Variants in HECW2 observed in about 807,000 individuals in gnomAD.
The protein encoded by HECW2 is E3 ubiquitin-protein ligase HECW2.
Under a neutral mutation model 175.2 loss-of-function variants are expected in HECW2, and 61 were observed. That is an observed-to-expected ratio of 0.35 (90% confidence interval 0.28 to 0.43). The LOEUF (loss-of-function observed/expected upper bound fraction) is 0.43, where lower values mean the gene tolerates loss of function less well. HECW2 is among the 20% of genes least tolerant of loss of function. The pLI is 1.00. For missense variants in HECW2, 1,524 were observed against 2,000.5 expected, an observed-to-expected ratio of 0.76 and a Z score of 4.54; for synonymous variants, 671 against 731.0, an observed-to-expected ratio of 0.92 and a Z score of 1.32.
Position 196,222,355 on chromosome 2 carries a change from A to C in HECW2, c.4017-15T>G, listed in dbSNP as rs368517491. 3.4e-5 allele frequency: 55 copies of C among 1,611,296 alleles called. No homozygotes were observed. Among genetic ancestry groups the C allele is most frequent in the Non-Finnish European group, 4.6e-5 (54 of 1,178,750 alleles). ...GGTCACATAGACTAAGATGACAAAC[A>C]GACAGAAACAAATATGTAGGCATGG... On this transcript the variant is annotated splice_polypyrimidine_tract_variant and intron_variant, in intron 23 of 28. Coordinates refer to ENST00000644978, the MANE Select transcript of HECW2 (RefSeq NM_001348768.2).
chr2:196,195,009 CATTT>C lies in HECW2; in HGVS notation c.*6264_*6267del, dbSNP rs1686640832. ...CGAGAGAGATGCATGTATTTTTATTCATTTATTTTGGAATGCCTGCATCCCTATT... is the reference window on the plus strand; with the variant it reads ...CGAGAGAGATGCATGTATTTTTATTCATTTTGGAATGCCTGCATCCCTATT... On this transcript the variant is annotated 3_prime_UTR_variant, in exon 29 of 29. Coordinates refer to ENST00000644978, the MANE Select transcript of HECW2 (RefSeq NM_001348768.2). 1 of 152,126 alleles carries C rather than the reference CATTT, an allele frequency of 6.6e-6. No individual in the cohort carries two copies. 9.4% of individuals were successfully genotyped at this position (152,126 alleles called of 1,614,324 possible).
chr2:196,500,009 G>C lies in HECW2; in HGVS notation c.-35-66551C>G, dbSNP rs543324705. Among the ~76,000 whole-genome samples, 63 of 152,112 alleles carry C rather than the reference G, an allele frequency of 4.1e-4. No homozygotes were observed. In the South Asian group the frequency reaches 0.013, roughly 31 times the overall value. On this transcript the variant is annotated intron_variant, in intron 1 of 28. Coordinates refer to ENST00000644978, the MANE Select transcript of HECW2 (RefSeq NM_001348768.2). ...CATATGACAGCAGATGGAATAATGA[G>C]TCTTGGATTCTATTTTACATAAAGT...
intron 2 of HECW2, among the ~76,000 whole-genome samples, chr2:196,347,577 C>T (rs1455252251): frequency 6.6e-6 from 1 of 152,102 alleles, no homozygotes; most frequent in Non-Finnish European, 1.5e-5. Context: ...GTAAATTGTA[C>T]CATGAGTATT....
rs781250302 is a variant in HECW2, at chr2:196,308,059, C to A, written c.2461G>T (p.Gly821Cys). 3 of 1,589,170 alleles carry A rather than the reference C, an allele frequency of 1.9e-6. No homozygotes were observed. The highest frequency in any genetic ancestry group is 1.7e-6 in the Non-Finnish European group (2 of 1,162,580). ...PNWEARIDSH[G>C]RIFYVDHVNR... The stretch of plus-strand genomic sequence containing the variant: ...ACGTGATCCACGTAGAAGATCCTGC[C>A]GTGGCTGTCAATGCGTGCCTCCCAG... The change falls in exon 11 of 29, where the codon GGC becomes TGC. Residue 821 changes from glycine (G) to cysteine (C), a missense_variant. By Grantham distance (159) the Gly-to-Cys change is radical. Transcript: ENST00000644978.
intron 1 of HECW2, among the ~76,000 whole-genome samples, chr2:196,460,781 T>TC: frequency 1.6e-5 from 1 of 63,812 alleles, no homozygotes; most frequent in Non-Finnish European, 2.8e-5. Flanking sequence ...TGGCAATTTT[T>TC]TTTTTTTTTT....
chr2:196,552,062 G>A (rs780233971), intron 1 of HECW2, among the ~76,000 whole-genome samples: 11 of 152,094 alleles, frequency 7.2e-5, no homozygotes, highest in African/African-American at 1.7e-4. Context: ...TTAAGACAGC[G>A]CCACAGGACT....
chr2:196,453,559 CAA>C (rs778435776), intron 1 of HECW2, among the ~76,000 whole-genome samples: 8 of 152,124 alleles, frequency 5.3e-5, no homozygotes, highest in Non-Finnish European at 1.0e-4. Flanking sequence ...GACTGTCTGA[CAA>C]AAGATTCCTG....
At chr2:196,210,463 C>G (rs1207321186) in intron 28 of HECW2, among the ~76,000 whole-genome samples, 4 of 152,090 alleles carry the variant, frequency 2.6e-5, no homozygotes, top group Non-Finnish European at 2.9e-5. Context: ...ACCTGGGACT[C>G]CAAGCATGCA....
intron 21 of HECW2, among the ~76,000 whole-genome samples, chr2:196,235,634 G>A (rs1688217697): frequency 6.8e-6 from 1 of 147,442 alleles, no homozygotes; most frequent in Non-Finnish European, 1.5e-5. Context: ...TGGAGCACAG[G>A]TAGATGCATT....
At chr2:196,261,323 C>T (rs868795302) in intron 17 of HECW2, among the ~76,000 whole-genome samples, 12 of 152,068 alleles carry the variant, frequency 7.9e-5, no homozygotes, top group African/African-American at 2.9e-4. Context: ...GATATCCTGG[C>T]TTATTCTAAG....
chr2:196,472,186 T>C (rs559420962), intron 1 of HECW2, among the ~76,000 whole-genome samples: 10 of 152,044 alleles, frequency 6.6e-5, no homozygotes, highest in Admixed American at 3.9e-4. Flanking sequence ...GCATAAAGTT[T>C]AAAACGTTCA....
intron 5 of HECW2, among the ~76,000 whole-genome samples, chr2:196,329,072 T>C (rs910379656): frequency 6.6e-6 from 1 of 152,140 alleles, no homozygotes; most frequent in African/African-American, 2.4e-5. Context: ...TCTCATAACT[T>C]GAAAAGCCGT....
intron 10 of HECW2, chr2:196,316,478 A>C (rs1342808181): frequency 6.6e-6 from 1 of 152,220 alleles, no homozygotes; most frequent in Non-Finnish European, 1.5e-5. Flanking sequence ...GGTAAGGCAA[A>C]AGGGTATACC....
At chr2:196,327,436 G>A (rs1253515666) in intron 5 of HECW2, among the ~76,000 whole-genome samples, 1 of 152,096 alleles carries the variant, frequency 6.6e-6, no homozygotes, top group African/African-American at 2.4e-5. Flanking sequence ...GCCAAAGAAG[G>A]ACTCAAAGTC....
intron 1 of HECW2, among the ~76,000 whole-genome samples, chr2:196,584,201 G>A (rs1240733091): frequency 1.3e-5 from 2 of 152,332 alleles, no homozygotes; most frequent in East Asian, 3.9e-4. Context: ...AGTAGAAGTG[G>A]TGGGCATTCC....
Position 196,406,895 on chromosome 2 carries a change from T to TTACACTG in HECW2, c.292+26230_292+26236dup, listed in dbSNP as rs1482378473. 6.6e-5 allele frequency among the ~76,000 whole-genome samples: 10 copies of TTACACTG among 152,356 alleles called. No homozygotes were observed. In the South Asian group the frequency reaches 2.1e-3, roughly 32 times the overall value. Reference sequence around the variant, plus strand: ...AGTCTGCCCAATCATTCCTGTTGCATTACACTGTTTTTATTATCTGCATTG... The same window carrying TTACACTG: ...AGTCTGCCCAATCATTCCTGTTGCATTACACTGTACACTGTTTTTATTATCTGCATTG... On this transcript the variant is annotated intron_variant, in intron 2 of 28. Transcript: ENST00000644978.
chr2:196,357,287 A>C (rs1693407438), intron 2 of HECW2, among the ~76,000 whole-genome samples: 1 of 150,480 alleles, frequency 6.6e-6, no homozygotes, highest in African/African-American at 2.5e-5. Context: ...GCTGTGACCC[A>C]ATCTCGCACT....
intron 1 of HECW2, among the ~76,000 whole-genome samples, chr2:196,444,338 T>C (rs1027291365): frequency 3.3e-5 from 5 of 152,212 alleles, no homozygotes; most frequent in African/African-American, 1.2e-4. Context: ...TAGTTACTGA[T>C]TGGCAAAAGC....
chr2:196,423,130 G>C (rs1241409682), intron 2 of HECW2, among the ~76,000 whole-genome samples: 1 of 152,052 alleles, frequency 6.6e-6, no homozygotes, highest in Non-Finnish European at 1.5e-5. Context: ...GGGTAAGTTT[G>C]AGCTGCAGCT....
Sources: allele counts gnomAD v4.1 joint callset (sites outside exome capture counted in the v4.1 genomes callset), GRCh38; gene constraint gnomAD v4.1.1; transcripts MANE v1.5; gene names NCBI Gene and HGNC (gene_info 2026-07-23, HGNC 2026-07-21).